Variants in ESRRG observed in about 807,000 individuals in gnomAD.
ESRRG encodes estrogen related receptor gamma.
ESRRG carries 13 observed loss-of-function variants against 44.0 expected under a neutral mutation model. That is an observed-to-expected ratio of 0.30 (90% CI 0.19 to 0.47). ESRRG has a LOEUF of 0.47. Among genes scored for constraint, ESRRG ranks in the 20% least tolerant of loss-of-function variants. ESRRG has a pLI of 1.00. For missense variants in ESRRG, 395 were observed against 580.6 expected (o/e 0.68, Z 3.29); for synonymous variants, 215 against 214.6 (o/e 1.00, Z -0.02).
chr1:216,930,759 A>G (rs2063226013), intron 2 of ESRRG, among the ~76,000 whole-genome samples: 1 of 152,216 alleles, frequency 6.6e-6, no homozygotes, highest in African/African-American at 2.4e-5. Context: ...GAAAGGCTGC[A>G]GGAAGGAGGT....
chr1:216,554,245 G>A (rs1020009906), intron 5 of ESRRG, among the ~76,000 whole-genome samples: 3 of 151,982 alleles, frequency 2.0e-5, no homozygotes, highest in African/African-American at 7.2e-5. Flanking sequence ...TCTGAAGTCA[G>A]GAGTTTGAGA....
intron 1 of ESRRG, among the ~76,000 whole-genome samples, chr1:216,706,566 CA>C (rs1336765878): frequency 6.6e-6 from 1 of 152,142 alleles, no homozygotes; most frequent in Non-Finnish European, 1.5e-5. Flanking sequence ...AACTGCATTG[CA>C]TATCACTTGC....
At chr1:216,603,491 T>A (rs1450619151) in intron 3 of ESRRG, among the ~76,000 whole-genome samples, 14 of 152,228 alleles carry the variant, frequency 9.2e-5, no homozygotes, top group Non-Finnish European at 2.9e-5. Flanking sequence ...CTAAAGACCC[T>A]GTGAATATTC....
intron 1 of ESRRG, among the ~76,000 whole-genome samples, chr1:217,023,012 G>A (rs1351206787): frequency 6.6e-6 from 1 of 152,130 alleles, no homozygotes; most frequent in East Asian, 1.9e-4. Context: ...AACTAATCTA[G>A]TGTAGAGGCA....
At chr1:217,102,728 G>A (rs1237653231) in intron 1 of ESRRG, among the ~76,000 whole-genome samples, 2 of 152,058 alleles carry the variant, frequency 1.3e-5, no homozygotes, top group African/African-American at 2.4e-5. Context: ...TCATTCACAG[G>A]TAAATCTGGT....
At chr1:217,111,132 G>T (rs868059944) in intron 1 of ESRRG, among the ~76,000 whole-genome samples, 1 of 152,138 alleles carries the variant, frequency 6.6e-6, no homozygotes, top group African/African-American at 2.4e-5. Context: ...TAGAATACAG[G>T]TCAGACACTG....
chr1:217,034,343 CT>C (rs1456182557), intron 1 of ESRRG, among the ~76,000 whole-genome samples: 1 of 152,096 alleles, frequency 6.6e-6, no homozygotes, highest in Non-Finnish European at 1.5e-5. Context: ...CATTTTTAGG[CT>C]GCACTTATTT....
chr1:216,717,477 A>G (rs900606376), intron 1 of ESRRG, among the ~76,000 whole-genome samples: 3 of 151,918 alleles, frequency 2.0e-5, no homozygotes, highest in Non-Finnish European at 4.4e-5. Context: ...TAAAGGAGCT[A>G]ACTTTGATCT....
chr1:216,771,006 C>CT (rs2093357029), intron 2 of ESRRG, among the ~76,000 whole-genome samples: 1 of 152,028 alleles, frequency 6.6e-6, no homozygotes, highest in African/African-American at 2.4e-5. Context: ...ACCAATTCCA[C>CT]TTTTTGTCTT....
intron 5 of ESRRG, among the ~76,000 whole-genome samples, chr1:216,545,036 T>C (rs3929399): frequency 0.28 from 43,177 of 151,642 alleles, 7,264 homozygotes; most frequent in Admixed American, 0.39. Context: ...CATATAATGA[T>C]TTTTTAAAAT....
At chr1:216,725,176 A>G (rs758167057), upstream of ESRRG, among the ~76,000 whole-genome samples, 3 of 152,208 alleles carry the variant, frequency 2.0e-5, no homozygotes, top group Non-Finnish European at 4.4e-5. Flanking sequence ...CCTTGTATTT[A>G]GCTATATCTA....
At chr1:216,758,561 T>C (rs2092594890) in intron 2 of ESRRG, among the ~76,000 whole-genome samples, 1 of 151,822 alleles carries the variant, frequency 6.6e-6, no homozygotes, top group Non-Finnish European at 1.5e-5. Flanking sequence ...TCCTGGGCAA[T>C]TTTTTTTAAA....
intron 3 of ESRRG, among the ~76,000 whole-genome samples, chr1:216,634,695 C>T (rs1408134180): frequency 6.6e-6 from 1 of 152,156 alleles, no homozygotes; most frequent in Non-Finnish European, 1.5e-5. Context: ...GGGACAGTCT[C>T]CACCTCACTG....
chr1:216,781,425 G>A (rs965823617), intron 2 of ESRRG, among the ~76,000 whole-genome samples: 2 of 151,946 alleles, frequency 1.3e-5, no homozygotes, highest in Non-Finnish European at 2.9e-5. Context: ...TCTCTAAATG[G>A]CCTTCAAATT....
chr1:216,572,581 A>T (rs555068748), intron 3 of ESRRG, among the ~76,000 whole-genome samples: 88 of 152,160 alleles, frequency 5.8e-4, no homozygotes, highest in African/African-American at 1.8e-3. Context: ...AAAAAATTTT[A>T]AAAATTAAAG....
intron 2 of ESRRG, among the ~76,000 whole-genome samples, chr1:216,736,546 T>A (rs1406798546): frequency 6.6e-6 from 1 of 152,068 alleles, no homozygotes; most frequent in Non-Finnish European, 1.5e-5. Context: ...AATTTTAGGG[T>A]CAGAGTAAAA....
At chr1:216,878,274 T>A (rs1443417711) in intron 2 of ESRRG, among the ~76,000 whole-genome samples, 2 of 152,214 alleles carry the variant, frequency 1.3e-5, no homozygotes, top group Non-Finnish European at 2.9e-5. Flanking sequence ...GAGATTGCTA[T>A]CTTTTTCTTC....
At chr1:216,680,427 G>A (rs2076836815) in intron 1 of ESRRG, among the ~76,000 whole-genome samples, 1 of 152,126 alleles carries the variant, frequency 6.6e-6, no homozygotes, top group South Asian at 2.1e-4. Flanking sequence ...AGTTTTTAAT[G>A]GTGTTTATTT....
rs148022530 is a variant in ESRRG, at chr1:216,778,511, A to T, written c.-13-101020T>A. On this transcript the variant is annotated intron_variant, in intron 2 of 7. Coordinates refer to the ESRRG transcript ENST00000359162. ...TGTCGGGCCCTGACAGTCAGGGTCTATAGATCCCTGGGTCACTTGGCAGTC... is the reference window on the plus strand; with the variant it reads ...TGTCGGGCCCTGACAGTCAGGGTCTTTAGATCCCTGGGTCACTTGGCAGTC... 7.0e-3 allele frequency among the ~76,000 whole-genome samples: 1,063 copies of T among 152,040 alleles called. 12 individuals carry two copies. Among genetic ancestry groups the T allele is most frequent in the African/African-American group, 0.024 (992 of 41,498 alleles).
Sources: allele counts gnomAD v4.1 joint callset (sites outside exome capture counted in the v4.1 genomes callset), GRCh38; gene constraint gnomAD v4.1.1; transcripts MANE v1.5; gene names NCBI Gene and HGNC (gene_info 2026-07-23, HGNC 2026-07-21).